Variants in CSMD1 observed in about 807,000 individuals in gnomAD.
The protein encoded by CSMD1 is CUB and sushi domain-containing protein 1.
A neutral mutation model predicts 417.5 loss-of-function variants in CSMD1; 213 were observed. The observed-to-expected ratio is 0.51, with a 90% CI of 0.46 to 0.57. The LOEUF is 0.57. Among genes scored for constraint, CSMD1 ranks in the 20% least tolerant of loss-of-function variants. CSMD1 has a pLI of 0.00. For missense variants in CSMD1, 6,923 were observed against 4,529.7 expected (o/e 1.53, Z -15.17); for synonymous variants, 2,862 against 1,736.8 (o/e 1.65, Z -16.11).
intron 3 of CSMD1, among the ~76,000 whole-genome samples, chr8:4,109,467 T>G (rs2407297): frequency 0.95 from 144,303 of 152,222 alleles, 68,801 homozygotes; most frequent in Non-Finnish European, 0.99. Context: ...ACTAAATATG[T>G]AACCCTACTT....
chr8:3,709,958 C>T (rs1258348597), intron 6 of CSMD1, among the ~76,000 whole-genome samples: 6 of 151,444 alleles, frequency 4.0e-5, no homozygotes, highest in African/African-American at 9.7e-5. Flanking sequence ...GACCAACCCC[C>T]AACCCCCACA....
chr8:3,249,250 C>T (rs1800098802), intron 26 of CSMD1, among the ~76,000 whole-genome samples: 2 of 152,142 alleles, frequency 1.3e-5, no homozygotes, highest in African/African-American at 4.8e-5. Flanking sequence ...GAGATAGAGA[C>T]TCACTCTGTT....
At chr8:3,836,354 C>G (rs1802701298) in intron 5 of CSMD1, among the ~76,000 whole-genome samples, 1 of 152,120 alleles carries the variant, frequency 6.6e-6, no homozygotes, top group Admixed American at 6.6e-5. Flanking sequence ...GAGGAACTAG[C>G]TATATCCTTG....
chr8:4,890,009 T>G (rs2116995684), intron 1 of CSMD1, among the ~76,000 whole-genome samples: 1 of 152,260 alleles, frequency 6.6e-6, no homozygotes, highest in East Asian at 1.9e-4. Flanking sequence ...GTATCTTACC[T>G]AATAATTAAT....
In CSMD1 at chr8:3,190,146, G is replaced by C. The variant is rs1319525637; in HGVS notation, c.5195-31C>G. 2.0e-6 allele frequency: 3 copies of C among 1,512,556 alleles called. No individual in the cohort carries two copies. In the South Asian group the frequency reaches 3.6e-5, roughly 18 times the overall value. The allele number at this position is 1,512,556 out of a possible 1,614,324, so 93.7% of individuals were successfully genotyped here. On this transcript the variant is annotated intron_variant, in intron 33 of 69. Coordinates refer to ENST00000635120, the MANE Select transcript of CSMD1 (RefSeq NM_033225.6). The stretch of plus-strand genomic sequence containing the variant: ...AGCAAAGTACAGAACACAGCCGTCT[G>C]TATCTCCATCAGCAAGCCAGGACGT...
chr8:4,136,354 G>T (rs1327960123), intron 3 of CSMD1, among the ~76,000 whole-genome samples: 1 of 152,020 alleles, frequency 6.6e-6, no homozygotes, highest in African/African-American at 2.4e-5. Context: ...AATATTCATC[G>T]CTGAGCACAA....
intron 5 of CSMD1, among the ~76,000 whole-genome samples, chr8:3,953,570 A>G (rs967069222): frequency 2.0e-5 from 3 of 152,078 alleles, no homozygotes; most frequent in African/African-American, 4.8e-5. Context: ...CCTGGGATAG[A>G]TAATTGGAGC....
intron 1 of CSMD1, among the ~76,000 whole-genome samples, chr8:4,909,969 A>G (rs1039499707): frequency 3.3e-5 from 5 of 152,176 alleles, no homozygotes; most frequent in Non-Finnish European, 4.4e-5. Flanking sequence ...TGATTTTACT[A>G]TATTATTTAT....
intron 26 of CSMD1, among the ~76,000 whole-genome samples, chr8:3,251,638 T>C (rs1420854210): frequency 1.3e-5 from 2 of 152,212 alleles, no homozygotes; most frequent in Non-Finnish European, 2.9e-5. Context: ...GCTTTGAATC[T>C]ATCAATTACC....
intron 10 of CSMD1, among the ~76,000 whole-genome samples, chr8:3,552,943 A>T (rs1328513624): frequency 6.6e-6 from 1 of 152,186 alleles, no homozygotes. Context: ...TTTTTGATAA[A>T]ACACAGAGAA....
intron 18 of CSMD1, among the ~76,000 whole-genome samples, chr8:3,384,897 TATTA>T (rs1247552908): frequency 1.6e-5 from 2 of 122,132 alleles, no homozygotes; most frequent in African/African-American, 6.6e-5. Flanking sequence ...ATATAATATA[TATTA>T]TATATGCTTA....
At chr8:4,578,840 T>G (rs1799270651) in intron 2 of CSMD1, among the ~76,000 whole-genome samples, 1 of 149,548 alleles carries the variant, frequency 6.7e-6, no homozygotes, top group Non-Finnish European at 1.5e-5. Context: ...CAAACCTATC[T>G]TTACAAGCAG....
At chr8:3,817,200 T>C (rs1315643459) in intron 5 of CSMD1, among the ~76,000 whole-genome samples, 6 of 145,532 alleles carry the variant, frequency 4.1e-5, no homozygotes, top group African/African-American at 5.0e-5. Flanking sequence ...AAATGGTCAA[T>C]TGTCCACTCT....
intron 26 of CSMD1, among the ~76,000 whole-genome samples, chr8:3,263,891 G>T (rs970400897): frequency 6.6e-6 from 1 of 152,156 alleles, no homozygotes; most frequent in East Asian, 1.9e-4. Context: ...ATAGTACACT[G>T]TTTAAAGTTA....
At chr8:3,728,242 T>C (rs1478854994) in intron 6 of CSMD1, among the ~76,000 whole-genome samples, 1 of 152,138 alleles carries the variant, frequency 6.6e-6, no homozygotes, top group Non-Finnish European at 1.5e-5. Context: ...AACCCCTTTC[T>C]CTTGGTTCTT....
chr8:4,073,735 T>C (rs927644289), intron 3 of CSMD1, among the ~76,000 whole-genome samples: 1 of 152,124 alleles, frequency 6.6e-6, no homozygotes, highest in Non-Finnish European at 1.5e-5. Context: ...ACACCAGCTG[T>C]TTTCCATTTC....
At chr8:2,947,617 A>G (rs915263064) in intron 68 of CSMD1, among the ~76,000 whole-genome samples, 43 of 152,196 alleles carry the variant, frequency 2.8e-4, no homozygotes, top group African/African-American at 1.0e-3. Flanking sequence ...GGTCAAATTC[A>G]TTGGATCAGT....
intron 1 of CSMD1, among the ~76,000 whole-genome samples, chr8:4,845,061 A>G (rs1411987039): frequency 2.3e-5 from 2 of 88,454 alleles, no homozygotes; most frequent in African/African-American, 4.0e-5. Context: ...TAAATAATGT[A>G]AAAACTATCT....
intron 1 of CSMD1, among the ~76,000 whole-genome samples, chr8:4,875,199 T>G (rs1054364480): frequency 1.3e-5 from 2 of 152,034 alleles, no homozygotes; most frequent in African/African-American, 4.8e-5. Flanking sequence ...TGTACAGTAG[T>G]ACTTTAAAAG....
Sources: gnomAD v4.1 joint callset for allele counts (sites outside exome capture counted in the v4.1 genomes callset) on GRCh38, gnomAD v4.1.1 for gene constraint, MANE v1.5 for transcripts, NCBI Gene and HGNC (gene_info 2026-07-23, HGNC 2026-07-21) for gene names.